The following SYT1 variants were observed in gnomAD, a reference collection of about 807,000 sequenced individuals.
SYT1 encodes the protein synaptotagmin 1.
SYT1 carries 8 observed loss-of-function variants against 44.8 expected under a neutral mutation model. The observed-to-expected ratio is 0.18, with a 90% CI of 0.10 to 0.32. The LOEUF (loss-of-function observed/expected upper bound fraction) is 0.32. Ranked by LOEUF, SYT1 falls within the 10% of genes least tolerant of loss-of-function variation. SYT1 has a pLI of 1.00. For missense variants in SYT1, 286 were observed against 509.3 expected (o/e 0.56, Z 4.22); for synonymous variants, 154 against 188.8 (o/e 0.82, Z 1.51).
At position 79,285,850 on chromosome 12, in the gene SYT1, T is replaced by C. The variant is rs755159855; in HGVS notation, c.230T>C (p.Phe77Ser). The change falls in exon 5 of 11, where the codon TTT (phenylalanine) becomes TCT (serine). Residue 77 changes from phenylalanine to serine, a missense_variant. Phe to Ser is a radical substitution (Grantham distance 155). Around this residue, in one of 6 missense-constraint regions of SYT1, gnomAD observed 141 missense variants for 165.7 expected, o/e 0.85. Coordinates refer to ENST00000261205, the MANE Select transcript of SYT1 (RefSeq NM_005639.3). ...VAVLLVLTCCFCICKKCLFKK... is the reference protein window; with the variant it reads ...VAVLLVLTCCSCICKKCLFKK... ...GTCCTTTTAGTCCTGACCTGCTGCT[T>C]TTGTATCTGTAAGAAATGTTTGTTC... 8.1e-6 allele frequency: 13 copies of C among 1,613,732 alleles called. No individual in the cohort carries two copies. In the South Asian group the frequency reaches 1.3e-4, roughly 16 times the overall value.
At chr12:79,385,726 ATTGTTGTTG>A (rs10632647) in intron 9 of SYT1, among the ~76,000 whole-genome samples, 1 of 150,958 alleles carries the variant, frequency 6.6e-6, no homozygotes, top group South Asian at 2.1e-4. Flanking sequence ...ACAATTACCC[ATTGTTGTTG>A]TTGTTGTTGT....
intron 7 of SYT1, among the ~76,000 whole-genome samples, chr12:79,297,499 A>G (rs989872197): frequency 2.0e-5 from 3 of 152,072 alleles, no homozygotes; most frequent in Non-Finnish European, 2.9e-5. Context: ...GAGCTAATGT[A>G]TTGGGGCTTT....
intron 1 of SYT1, among the ~76,000 whole-genome samples, chr12:78,887,366 G>A (rs561972422): frequency 2.0e-5 from 3 of 152,068 alleles, no homozygotes; most frequent in Non-Finnish European, 4.4e-5. Context: ...ATGCACATGA[G>A]TGTGGATGCT....
rs184740957 is a variant in SYT1, at chr12:79,239,871, C to T, written c.166+22186C>T. Reference sequence around the variant, plus strand: ...CCTCAGTTCCTAAAGATGACTCTGCCATATGCAGTTTACAACATGACTGCT... The same window carrying T: ...CCTCAGTTCCTAAAGATGACTCTGCTATATGCAGTTTACAACATGACTGCT... On this transcript the variant is annotated intron_variant, in intron 4 of 10. Coordinates refer to ENST00000261205, the MANE Select transcript of SYT1 (RefSeq NM_005639.3). Among the ~76,000 whole-genome samples, 3 of 152,276 alleles carry T rather than the reference C, an allele frequency of 2.0e-5. No homozygotes were observed. The East Asian group carries it at 5.8e-4, about 29-fold the overall frequency.
rs58474358 is a variant in SYT1, at chr12:79,196,149, C to CTGTTGT, written c.-17-21321_-17-21316dup. ...CATGGAGCTATGTACATTTCTAATT[C>CTGTTGT]TGTTGTTGTTGTTGTTGTTGTTGTT... On this transcript the variant is annotated intron_variant, in intron 3 of 10. Coordinates refer to ENST00000261205, the MANE Select transcript of SYT1 (RefSeq NM_005639.3). Among the ~76,000 whole-genome samples, 962 of 118,788 alleles carry CTGTTGT rather than the reference C, an allele frequency of 8.1e-3. 16 individuals carry two copies. The highest frequency in any genetic ancestry group is 0.03 in the African/African-American group (889 of 29,242). 77.9% of individuals were successfully genotyped at this position (118,788 alleles called of 152,430 possible). A position where few individuals can be genotyped will look rare whatever the true frequency, so the allele number is the denominator to read the frequency against.
At chr12:78,902,971 A>G (rs1220977435) in intron 1 of SYT1, among the ~76,000 whole-genome samples, 2 of 152,136 alleles carry the variant, frequency 1.3e-5, no homozygotes, top group African/African-American at 2.4e-5. Flanking sequence ...TAACTATTCA[A>G]ACTCTACTAA....
At chr12:78,896,869 A>T (rs1875389849) in intron 1 of SYT1, among the ~76,000 whole-genome samples, 1 of 151,812 alleles carries the variant, frequency 6.6e-6, no homozygotes, top group African/African-American at 2.4e-5. Context: ...TAGGAAGATA[A>T]TAAGGAATCT....
At chr12:79,030,642 C>G (rs1358180265) in intron 2 of SYT1, among the ~76,000 whole-genome samples, 2 of 151,050 alleles carry the variant, frequency 1.3e-5, no homozygotes, top group African/African-American at 4.8e-5. Flanking sequence ...CTTGAGATTT[C>G]TTGCTTTTCT....
chr12:79,097,525 CAT>C (rs942284931), intron 3 of SYT1, among the ~76,000 whole-genome samples: 20 of 152,094 alleles, frequency 1.3e-4, no homozygotes, highest in East Asian at 7.8e-4. Flanking sequence ...TATAGAAACA[CAT>C]GTTTCCCTTT....
At chr12:78,996,425 T>C (rs571766340) in intron 2 of SYT1, among the ~76,000 whole-genome samples, 55 of 152,232 alleles carry the variant, frequency 3.6e-4, no homozygotes, top group Admixed American at 7.9e-4. Context: ...GAGACAAAGT[T>C]AGAGAAAAGA....
At chr12:79,381,471 C>T (rs1407663120) in intron 9 of SYT1, among the ~76,000 whole-genome samples, 1 of 152,224 alleles carries the variant, frequency 6.6e-6, no homozygotes, top group African/African-American at 2.4e-5. Flanking sequence ...TCTCTGTGTA[C>T]TTACTTCCCA....
chr12:79,314,305 A>G (rs1373369259), intron 8 of SYT1, among the ~76,000 whole-genome samples: 2 of 152,166 alleles, frequency 1.3e-5, no homozygotes, highest in Admixed American at 6.5e-5. Context: ...GGACAGTGGG[A>G]CAGCCTAAGT....
intron 4 of SYT1, among the ~76,000 whole-genome samples, chr12:79,246,782 A>G (rs1470259892): frequency 6.6e-6 from 1 of 152,270 alleles, no homozygotes; most frequent in Non-Finnish European, 1.5e-5. Context: ...CATTCAGACA[A>G]TAATGGCCTC....
chr12:79,411,501 C>T (rs1435008764), intron 9 of SYT1, among the ~76,000 whole-genome samples: 1 of 152,082 alleles, frequency 6.6e-6, no homozygotes, highest in African/African-American at 2.4e-5. Context: ...GGTTCTCTGG[C>T]TCCTTGACTT....
intron 9 of SYT1, among the ~76,000 whole-genome samples, chr12:79,373,598 A>G (rs1883879054): frequency 6.6e-6 from 1 of 152,210 alleles, no homozygotes; most frequent in South Asian, 2.1e-4. Context: ...ATAGATGGTC[A>G]CATCAAAAAA....
intron 4 of SYT1, among the ~76,000 whole-genome samples, chr12:79,219,244 G>T (rs1462089980): frequency 6.6e-6 from 1 of 151,072 alleles, no homozygotes; most frequent in Non-Finnish European, 1.5e-5. Flanking sequence ...TATATATTTT[G>T]GACATTAACC....
intron 9 of SYT1, among the ~76,000 whole-genome samples, chr12:79,435,543 TG>T (rs1870039934): frequency 6.6e-6 from 1 of 152,136 alleles, no homozygotes; most frequent in Admixed American, 6.5e-5. Flanking sequence ...ATAGGCAGTT[TG>T]GGGTCATGGG....
At chr12:79,235,538 A>ATT (rs1391909298) in intron 4 of SYT1, among the ~76,000 whole-genome samples, 1 of 151,328 alleles carries the variant, frequency 6.6e-6, no homozygotes, top group African/African-American at 2.4e-5. Context: ...TGCTTTGTAA[A>ATT]TATACCATTA....
At chr12:79,178,942 A>ATG (rs1565840821) in intron 3 of SYT1, among the ~76,000 whole-genome samples, 1 of 40,424 alleles carries the variant, frequency 2.5e-5, no homozygotes, top group Non-Finnish European at 4.5e-5. Context: ...ATATAGATAT[A>ATG]GATATAGATA....
Sources: allele counts gnomAD v4.1 joint callset (sites outside exome capture counted in the v4.1 genomes callset), GRCh38; gene constraint gnomAD v4.1.1; regional missense constraint gnomAD v4.1.1; transcripts MANE v1.5; gene names NCBI Gene and HGNC (gene_info 2026-07-23, HGNC 2026-07-21).